IQCF6: variants seen among roughly 807,000 people sequenced by gnomAD.
IQCF6 encodes the protein IQ motif containing F6.
Under a neutral mutation model 16.8 loss-of-function variants are expected in IQCF6, and 15 were observed. The ratio of observed to expected loss-of-function variants is 0.89; its 90% CI spans 0.60 to 1.37. The LOEUF (loss-of-function observed/expected upper bound fraction) is 1.37. Ranked by LOEUF, IQCF6 falls within the 40% of genes most tolerant of loss-of-function variation. The pLI is 0.00. For synonymous variants in IQCF6, 64 were observed against 72.8 expected, an observed-to-expected ratio of 0.88 and a Z score of 0.61; for missense variants, 169 against 197.4, an observed-to-expected ratio of 0.86 and a Z score of 0.86.
chr3:51,779,177 C>A lies in IQCF6; in HGVS notation c.48G>T (p.Leu16=), dbSNP rs2107165871. Residue 16 remains leucine (L), a synonymous_variant, in exon 1 of 2, where the codon CTG becomes CTT. Transcript: ENST00000667863. The part of the protein sequence containing the change: ...VSKALAVGTY[L]TGNEPCLNLE... ...CATTTAGACACGGTTCATTACCTGT[C>A]AGGTAAGTCCCTACTGCAAGGGCCT... 6 of 1,404,438 alleles carry A rather than the reference C, an allele frequency of 4.3e-6. No individual in the cohort carries two copies. The highest frequency in any genetic ancestry group is 5.5e-6 in the Non-Finnish European group (6 of 1,081,272). The allele number at this position is 1,404,438 out of a possible 1,614,324, so 87.0% of individuals were successfully genotyped here. A position where few individuals can be genotyped will look rare whatever the true frequency, so the allele number is the denominator to read the frequency against.
At position 51,778,581 on chromosome 3, in the gene IQCF6, T is replaced by G. The variant is rs944147378; in HGVS notation, c.*42A>C. The G allele has an allele frequency of 6.8e-7, 1 of 1,477,154 alleles. No individual in the cohort carries two copies. The highest frequency in any genetic ancestry group is 1.4e-5 in the African/African-American group (1 of 70,706). 91.5% of individuals were successfully genotyped at this position (1,477,154 alleles called of 1,614,324 possible). On this transcript the variant is annotated 3_prime_UTR_variant, in exon 2 of 2. Transcript: ENST00000667863. ...GCAAGTGTATGGTCAGTAAGGGTCT[T>G]TATTGGAAGAGAGATCCAGCCTCCT...
In IQCF6 at chr3:51,778,590, G is replaced by T; in HGVS notation, c.*33C>A. ...TGGTCAGTAAGGGTCTTTATTGGAA[G>T]AGAGATCCAGCCTCCTTGGCTCTGT... is the stretch of plus-strand genomic sequence containing the variant. On this transcript the variant is annotated 3_prime_UTR_variant, in exon 2 of 2. Transcript: ENST00000667863. The T allele has an allele frequency of 2.7e-6, 4 of 1,482,246 alleles. No homozygotes were observed. Among genetic ancestry groups the T allele is most frequent in the Non-Finnish European group, 3.6e-6 (4 of 1,110,892 alleles). The allele number at this position is 1,482,246 out of a possible 1,614,324, so 91.8% of individuals were successfully genotyped here.
In IQCF6 at chr3:51,778,762, A is replaced by G. The variant is rs1577588715; in HGVS notation, c.302T>C (p.Phe101Ser). 2 of 1,551,450 alleles carry G rather than the reference A, an allele frequency of 1.3e-6. No homozygotes were observed. Among genetic ancestry groups the G allele is most frequent in the South Asian group, 2.4e-5 (2 of 84,062 alleles). The change falls in exon 2 of 2, where the codon TTC becomes TCC. Residue 101 changes from phenylalanine to serine, a missense_variant. Coordinates refer to ENST00000667863, the MANE Select transcript of IQCF6 (RefSeq NM_001368369.1). ...GCAGGCCGCTTGGCGTGCCTGGAGGAACCGCCTGCGGGCCTGCCACATTCG... is the reference window on the plus strand; with the variant it reads ...GCAGGCCGCTTGGCGTGCCTGGAGGGACCGCCTGCGGGCCTGCCACATTCG... ...QVRMWQARRR[F>S]LQARQAACII... is the part of the protein sequence containing the mutation.
In IQCF6 at chr3:51,779,153, A is replaced by G; in HGVS notation, c.72T>C (p.Asn24=). 1 of 1,424,984 alleles carries G rather than the reference A, an allele frequency of 7.0e-7. No homozygotes were observed. Among genetic ancestry groups the G allele is most frequent in the African/African-American group, 1.4e-5 (1 of 69,710 alleles). 88.3% of individuals were successfully genotyped at this position (1,424,984 alleles called of 1,614,324 possible). Residue 24 remains asparagine, a splice_region_variant and synonymous_variant, in exon 1 of 2, where the codon AAT becomes AAC. Transcript: ENST00000667863. ...TYLTGNEPCL[N]LEKTAIKIQS... ...ATCTTGTTTCCAATCCCCCACTCAC[A>G]TTTAGACACGGTTCATTACCTGTCA...
In IQCF6 at chr3:51,779,180, G is replaced by C. The variant is rs563749635; in HGVS notation, c.45C>G (p.Tyr15Ter). The change falls in exon 1 of 2, where the codon TAC becomes TAG. Residue 15 changes from tyrosine to a stop codon, truncating the protein, a stop_gained. Transcript: ENST00000667863. LOFTEE classifies it low-confidence loss of function (END_TRUNC). The stretch of plus-strand genomic sequence containing the variant: ...TTAGACACGGTTCATTACCTGTCAG[G>C]TAAGTCCCTACTGCAAGGGCCTTAC... ...NVSKALAVGT[Y>*]LTGNEPCLNL... 1.1e-5 allele frequency: 15 copies of C among 1,402,786 alleles called. No homozygotes were observed. The highest frequency in any genetic ancestry group is 1.8e-4 in the Middle Eastern group (1 of 5,426). The allele number at this position is 1,402,786 out of a possible 1,614,324, so 86.9% of individuals were successfully genotyped here.
Position 51,778,884 on chromosome 3 carries a change from C to T in IQCF6, c.180G>A (p.Arg60=). 3.9e-6 allele frequency: 6 copies of T among 1,552,056 alleles called. No individual in the cohort carries two copies. Among genetic ancestry groups the T allele is most frequent in the Non-Finnish European group, 5.2e-6 (6 of 1,147,078 alleles). The change falls in exon 2 of 2, where the codon AGG becomes AGA. Residue 60 remains arginine (R), a synonymous_variant. Transcript: ENST00000667863. ...GCTCCAACATCTTGGCCTGCATTGACCTCCACCAGCACTGGATGACCCAGG... is the reference window on the plus strand; with the variant it reads ...GCTCCAACATCTTGGCCTGCATTGATCTCCACCAGCACTGGATGACCCAGG... The part of the protein sequence containing the change: ...LRAWVIQCWW[R]SMQAKMLEQR...
Position 51,779,167 on chromosome 3 carries a change from C to T in IQCF6, c.58G>A (p.Glu20Lys). The T allele has an allele frequency of 7.1e-7, 1 of 1,414,612 alleles. No homozygotes were observed. Among genetic ancestry groups the T allele is most frequent in the Non-Finnish European group, 9.2e-7 (1 of 1,086,890 alleles). The allele number at this position is 1,414,612 out of a possible 1,614,324, so 87.6% of individuals were successfully genotyped here. Residue 20 changes from glutamate (E) to lysine (K), a missense_variant, in exon 1 of 2, where the codon GAA becomes AAA. By Grantham distance (56) the Glu-to-Lys change is moderately conservative. Coordinates refer to ENST00000667863, the MANE Select transcript of IQCF6 (RefSeq NM_001368369.1). ...LAVGTYLTGN[E>K]PCLNLEKTAI... ...CCCCCACTCACATTTAGACACGGTT[C>T]ATTACCTGTCAGGTAAGTCCCTACT...
In IQCF6 at chr3:51,778,711, T is replaced by C. The variant is rs1417300930; in HGVS notation, c.353A>G (p.His118Arg). Reference protein sequence around the residue: ...ACIIQSHWRWHASQTRGLIRG... With the variant: ...ACIIQSHWRWRASQTRGLIRG... Reference sequence around the variant, plus strand: ...GATCAGGCCTCGGGTTTGGCTGGCATGCCAGCGCCAGTGAGACTGGATGAT... The same window carrying C: ...GATCAGGCCTCGGGTTTGGCTGGCACGCCAGCGCCAGTGAGACTGGATGAT... Residue 118 changes from histidine (H) to arginine (R), a missense_variant, in exon 2 of 2, where the codon CAT becomes CGT. Transcript: ENST00000667863. The C allele has an allele frequency of 1.3e-5, 20 of 1,551,650 alleles. No homozygotes were observed. Among genetic ancestry groups the C allele is most frequent in the Non-Finnish European group, 1.7e-5 (19 of 1,146,910 alleles).
Position 51,779,203 on chromosome 3 carries a change from T to G in IQCF6, c.22A>C (p.Lys8Gln). 2 of 1,375,148 alleles carry G rather than the reference T, an allele frequency of 1.5e-6. No individual in the cohort carries two copies. The highest frequency in any genetic ancestry group is 1.9e-6 in the Non-Finnish European group (2 of 1,066,072). 85.2% of individuals were successfully genotyped at this position (1,375,148 alleles called of 1,614,324 possible). A position where few individuals can be genotyped will look rare whatever the true frequency, so the allele number is the denominator to read the frequency against. ...AGGTAAGTCCCTACTGCAAGGGCCTTACTCACATTTTGCGTGTCCATGGCC... is the reference window on the plus strand; with the variant it reads ...AGGTAAGTCCCTACTGCAAGGGCCTGACTCACATTTTGCGTGTCCATGGCC... MDTQNVS[K>Q]ALAVGTYLTG... is the part of the protein sequence containing the mutation. Residue 8 changes from lysine (K) to glutamine (Q), a missense_variant, in exon 1 of 2, where the codon AAG (lysine) becomes CAG (glutamine). Transcript: ENST00000667863.
At chr3:51,779,123 C>T (rs1559711634) in intron 1 of IQCF6, 30 bp downstream of exon 1, 2 of 1,431,050 alleles carry the variant, frequency 1.4e-6, no homozygotes, top group Non-Finnish European at 1.8e-6. Flanking sequence ...TTCTAGGGCC[C>T]ATCCATCTTG....
Position 51,778,786 on chromosome 3 carries a change from C to G in IQCF6, c.278G>C (p.Arg93Pro). ...GAACCGCCTGCGGGCCTGCCACATT[C>G]GAACCTGTGCCTGCACCTTCACCAC... is the stretch of plus-strand genomic sequence containing the variant. The part of the protein sequence containing the change: ...WAVVKVQAQV[R>P]MWQARRRFLQ... The change falls in exon 2 of 2, where the codon CGA becomes CCA. Residue 93 changes from arginine to proline, a missense_variant. Transcript: ENST00000667863. 6.4e-7 allele frequency: 1 copy of G among 1,551,738 alleles called. No homozygotes were observed. Among genetic ancestry groups the G allele is most frequent in the Non-Finnish European group, 8.7e-7 (1 of 1,147,002 alleles).
Position 51,778,615 on chromosome 3 carries a change from T to G in IQCF6, c.*8A>C, listed in dbSNP as rs1221571884. On this transcript the variant is annotated 3_prime_UTR_variant, in exon 2 of 2. Coordinates refer to ENST00000667863, the MANE Select transcript of IQCF6 (RefSeq NM_001368369.1). ...GAGAGATCCAGCCTCCTTGGCTCTG[T>G]CAGCGCCCTAGGTCATGAGGATTTC... The G allele has an allele frequency of 6.6e-7, 1 of 1,515,194 alleles. No homozygotes were observed. Among genetic ancestry groups the G allele is most frequent in the Admixed American group, 2.1e-5 (1 of 47,736 alleles). 93.9% of individuals were successfully genotyped at this position (1,515,194 alleles called of 1,614,324 possible). A position where few individuals can be genotyped will look rare whatever the true frequency, so the allele number is the denominator to read the frequency against.
At position 51,778,836 on chromosome 3, in the gene IQCF6, T is replaced by G; in HGVS notation, c.228A>C (p.Arg76Ser). ...MLEQRRRLAL[R>S]LYTCQEWAVV... The stretch of plus-strand genomic sequence containing the variant: ...CCGCCCACTCCTGGCAGGTATAGAG[T>G]CTTAGTGCCAGGCGCCGTCTTTGCT... Residue 76 changes from arginine (R) to serine (S), a missense_variant, in exon 2 of 2, where the codon AGA (arginine) becomes AGC (serine). Physicochemically the swap from Arg to Ser is moderately radical, Grantham distance 110. Coordinates refer to ENST00000667863, the MANE Select transcript of IQCF6 (RefSeq NM_001368369.1). The G allele has an allele frequency of 6.4e-7, 1 of 1,551,644 alleles. No individual in the cohort carries two copies. Among genetic ancestry groups the G allele is most frequent in the Non-Finnish European group, 8.7e-7 (1 of 1,146,978 alleles).
At position 51,779,211 on chromosome 3, in the gene IQCF6, T is replaced by G; in HGVS notation, c.14A>C (p.Asn5Thr). The G allele has an allele frequency of 7.3e-7, 1 of 1,366,326 alleles. No homozygotes were observed. The highest frequency in any genetic ancestry group is 9.4e-7 in the Non-Finnish European group (1 of 1,061,294). The allele number at this position is 1,366,326 out of a possible 1,614,324, so 84.6% of individuals were successfully genotyped here. ...CCCTACTGCAAGGGCCTTACTCACA[T>G]TTTGCGTGTCCATGGCCTTGATCCT... MDTQNVSKALAVGTY... is the reference protein window; with the variant it reads MDTQTVSKALAVGTY... Residue 5 changes from asparagine (N) to threonine (T), a missense_variant, in exon 1 of 2, where the codon AAT (asparagine) becomes ACT (threonine). By Grantham distance (65) the Asn-to-Thr change is moderately conservative (BLOSUM62 0). Coordinates refer to ENST00000667863, the MANE Select transcript of IQCF6 (RefSeq NM_001368369.1).
Position 51,778,803 on chromosome 3 carries a change from C to G in IQCF6, c.261G>C (p.Lys87Asn). ...GCCACATTCGAACCTGTGCCTGCAC[C>G]TTCACCACCGCCCACTCCTGGCAGG... ...LYTCQEWAVVKVQAQVRMWQA... is the reference protein window; with the variant it reads ...LYTCQEWAVVNVQAQVRMWQA... The change falls in exon 2 of 2, where the codon AAG (lysine) becomes AAC (asparagine). Residue 87 changes from lysine to asparagine, a missense_variant. By Grantham distance (94) the Lys-to-Asn change is moderately conservative. Coordinates refer to ENST00000667863, the MANE Select transcript of IQCF6 (RefSeq NM_001368369.1). 1 of 1,551,790 alleles carries G rather than the reference C, an allele frequency of 6.4e-7. No individual in the cohort carries two copies. Among genetic ancestry groups the G allele is most frequent in the Non-Finnish European group, 8.7e-7 (1 of 1,147,002 alleles).
In IQCF6 at chr3:51,778,792, T is replaced by C. The variant is rs1704812659; in HGVS notation, c.272A>G (p.Gln91Arg). The part of the protein sequence containing the change: ...QEWAVVKVQA[Q>R]VRMWQARRRF... ...CCTGCGGGCCTGCCACATTCGAACCTGTGCCTGCACCTTCACCACCGCCCA... is the reference window on the plus strand; with the variant it reads ...CCTGCGGGCCTGCCACATTCGAACCCGTGCCTGCACCTTCACCACCGCCCA... Residue 91 changes from glutamine (Q) to arginine (R), a missense_variant, in exon 2 of 2, where the codon CAG becomes CGG. Coordinates refer to ENST00000667863, the MANE Select transcript of IQCF6 (RefSeq NM_001368369.1). 4 of 1,551,794 alleles carry C rather than the reference T, an allele frequency of 2.6e-6. No individual in the cohort carries two copies. Among genetic ancestry groups the C allele is most frequent in the African/African-American group, 1.4e-5 (1 of 73,182 alleles).
At chr3:51,779,094 G>T in intron 1 of IQCF6, 59 bp downstream of exon 1, 1 of 1,435,756 alleles carries the variant, frequency 7.0e-7, no homozygotes, top group Non-Finnish European at 9.1e-7. Flanking sequence ...GCCTGGCCCA[G>T]GTGCCCCTGA....
At position 51,778,696 on chromosome 3, in the gene IQCF6, C is replaced by G. The variant is rs185182610; in HGVS notation, c.368G>C (p.Arg123Pro). The change falls in exon 2 of 2, where the codon CGA becomes CCA. Residue 123 changes from arginine (R) to proline (P), a missense_variant. By Grantham distance (103) the Arg-to-Pro change is moderately radical (BLOSUM62 -2). Transcript: ENST00000667863. ...CTCATAGTGGCCCCGGATCAGGCCT[C>G]GGGTTTGGCTGGCATGCCAGCGCCA... is the stretch of plus-strand genomic sequence containing the variant. The part of the protein sequence containing the change: ...SHWRWHASQT[R>P]GLIRGHYEVR... 2.6e-6 allele frequency: 4 copies of G among 1,551,408 alleles called. No homozygotes were observed. The highest frequency in any genetic ancestry group is 2.6e-6 in the Non-Finnish European group (3 of 1,146,728).
At position 51,778,890 on chromosome 3, in the gene IQCF6, C is replaced by G; in HGVS notation, c.174G>C (p.Trp58Cys). Residue 58 changes from tryptophan (W) to cysteine (C), a missense_variant, in exon 2 of 2, where the codon TGG becomes TGC. Physicochemically the swap from Trp to Cys is radical, Grantham distance 215 (BLOSUM62 -2). Transcript: ENST00000667863. ...ACATCTTGGCCTGCATTGACCTCCA[C>G]CAGCACTGGATGACCCAGGCTCTGA... ...AALRAWVIQC[W>C]WRSMQAKMLE... is the part of the protein sequence containing the mutation. The G allele has an allele frequency of 1.3e-6, 2 of 1,552,040 alleles. No individual in the cohort carries two copies. The highest frequency in any genetic ancestry group is 8.7e-7 in the Non-Finnish European group (1 of 1,147,064).
Sources: allele counts gnomAD v4.1 joint callset, GRCh38; gene constraint gnomAD v4.1.1; transcripts MANE v1.5; gene names NCBI Gene and HGNC (gene_info 2026-07-23, HGNC 2026-07-21).